The following FGGY variants were observed in gnomAD, a reference collection of about 807,000 sequenced individuals.
FGGY encodes FGGY carbohydrate kinase domain-containing protein.
A neutral mutation model predicts 71.3 loss-of-function variants in FGGY; 72 were observed. The ratio of observed to expected loss-of-function variants is 1.01; its 90% CI spans 0.84 to 1.23. The LOEUF is 1.23. Among genes scored for constraint, FGGY ranks in the 50% most tolerant of loss-of-function variants. The pLI is 0.00. For missense variants in FGGY, 668 were observed against 682.3 expected (o/e 0.98, Z 0.23); for synonymous variants, 251 against 250.3 (o/e 1.00, Z -0.02).
intron 9 of FGGY, among the ~76,000 whole-genome samples, chr1:59,610,882 G>C (rs1052580725): frequency 3.9e-5 from 6 of 152,258 alleles, no homozygotes; most frequent in Non-Finnish European, 8.8e-5. Context: ...GCCTGGCTCA[G>C]AGGGTCCCAC....
chr1:59,705,423 C>T lies in FGGY; in HGVS notation c.1512+31290C>T, dbSNP rs577474791. 5.9e-5 allele frequency among the ~76,000 whole-genome samples: 9 copies of T among 152,152 alleles called. No individual in the cohort carries two copies. In the South Asian group the frequency reaches 1.0e-3, roughly 18 times the overall value. On this transcript the variant is annotated intron_variant, in intron 14 of 15. Transcript: ENST00000303721. ...CCCAAGAGTTTTAGACTTTTATGTG[C>T]GCAGTAAGGACTGAGGAGGTGAGTG...
At chr1:59,326,311 G>A (rs899158202) in intron 2 of FGGY, among the ~76,000 whole-genome samples, 2 of 152,210 alleles carry the variant, frequency 1.3e-5, no homozygotes, top group African/African-American at 4.8e-5. Flanking sequence ...AGCCAGTAAA[G>A]TACCATTTTG....
intron 11 of FGGY, 61 bp from the exon 12 acceptor site, chr1:59,660,158 A>C: frequency 1.4e-6 from 2 of 1,438,346 alleles, no homozygotes; most frequent in South Asian, 1.1e-5. Flanking sequence ...CATGGGAACT[A>C]TCTTTATCCA....
intron 5 of FGGY, among the ~76,000 whole-genome samples, chr1:59,384,034 C>T (rs1220851435): frequency 2.0e-5 from 3 of 152,240 alleles, no homozygotes; most frequent in Admixed American, 6.5e-5. Context: ...AAGTGGAGGG[C>T]GTCTTGTTAA....
At position 59,350,964 on chromosome 1, in the gene FGGY, A is replaced by G. The variant is rs142756661; in HGVS notation, c.465+4566A>G. On this transcript the variant is annotated intron_variant, in intron 4 of 15. Transcript: ENST00000303721. Reference sequence around the variant, plus strand: ...AGTCTTGGCTAGAGGTTGGCAGACTATGGCACCCAGGCCAAATCTGGCCTA... The same window carrying G: ...AGTCTTGGCTAGAGGTTGGCAGACTGTGGCACCCAGGCCAAATCTGGCCTA... Among the ~76,000 whole-genome samples, 33 of 152,360 alleles carry G rather than the reference A, an allele frequency of 2.2e-4. No homozygotes were observed. In the East Asian group the frequency reaches 5.6e-3, roughly 26 times the overall value.
At chr1:59,415,600 C>A (rs1557852385) in intron 5 of FGGY, among the ~76,000 whole-genome samples, 1 of 152,162 alleles carries the variant, frequency 6.6e-6, no homozygotes, top group Admixed American at 6.5e-5. Flanking sequence ...CCCCAGGAAG[C>A]CTTTGGCCCT....
chr1:59,617,468 C>G (rs1172425543), intron 9 of FGGY, among the ~76,000 whole-genome samples: 1 of 152,044 alleles, frequency 6.6e-6, no homozygotes, highest in African/African-American at 2.4e-5. Flanking sequence ...AGGACAGGAT[C>G]TTTTGATATT....
chr1:59,587,647 C>G (rs12759733), intron 8 of FGGY, among the ~76,000 whole-genome samples: 26,832 of 152,028 alleles, frequency 0.18, 2,854 homozygotes, highest in South Asian at 0.35. Flanking sequence ...ACGATAATCC[C>G]CTGTTCTGCA....
intron 6 of FGGY, among the ~76,000 whole-genome samples, chr1:59,507,930 C>T (rs577381505): frequency 2.6e-4 from 39 of 152,246 alleles, no homozygotes; most frequent in Non-Finnish European, 4.4e-4. Flanking sequence ...CCTCCGCTGC[C>T]TCTTGTCCCG....
chr1:59,728,773 A>T (rs1047672660), intron 14 of FGGY, among the ~76,000 whole-genome samples: 1 of 152,062 alleles, frequency 6.6e-6, no homozygotes, highest in Non-Finnish European at 1.5e-5. Flanking sequence ...TTCTCTATAG[A>T]TTAGGTGGAT....
intron 14 of FGGY, among the ~76,000 whole-genome samples, chr1:59,745,221 G>C (rs543591988): frequency 2.1e-4 from 32 of 152,246 alleles, no homozygotes; most frequent in Middle Eastern, 3.4e-3. Flanking sequence ...CCAAAGTCTA[G>C]GCCAGAATAT....
At chr1:59,658,992 C>T (rs2097249701) in intron 11 of FGGY, among the ~76,000 whole-genome samples, 1 of 152,106 alleles carries the variant, frequency 6.6e-6, no homozygotes, top group East Asian at 1.9e-4. Context: ...GAAGCCAAGG[C>T]AGGTGTATCA....
At chr1:59,512,857 C>A (rs1484630114) in intron 7 of FGGY, among the ~76,000 whole-genome samples, 1 of 152,152 alleles carries the variant, frequency 6.6e-6, no homozygotes, top group South Asian at 2.1e-4. Flanking sequence ...TCCTTGGCTG[C>A]AGTCTTGATT....
intron 6 of FGGY, among the ~76,000 whole-genome samples, chr1:59,461,197 T>G (rs2092178458): frequency 6.6e-6 from 1 of 152,162 alleles, no homozygotes; most frequent in Non-Finnish European, 1.5e-5. Flanking sequence ...AATAGCTAAC[T>G]AGAATAAACA....
At chr1:59,334,137 CTTTTA>C (rs2049009772) in intron 2 of FGGY, among the ~76,000 whole-genome samples, 1 of 152,086 alleles carries the variant, frequency 6.6e-6, no homozygotes, top group South Asian at 2.1e-4. Context: ...TCATCCACTT[CTTTTA>C]TTTTGTTTTA....
intron 9 of FGGY, among the ~76,000 whole-genome samples, chr1:59,614,086 C>T (rs1432936876): frequency 6.6e-6 from 1 of 152,142 alleles, no homozygotes; most frequent in African/African-American, 2.4e-5. Flanking sequence ...GGAACTGGTA[C>T]CACTCCTTCT....
chr1:59,509,352 A>T (rs984160035), intron 6 of FGGY, among the ~76,000 whole-genome samples: 6 of 152,166 alleles, frequency 3.9e-5, no homozygotes, highest in Non-Finnish European at 5.9e-5. Flanking sequence ...TATTTTCCCT[A>T]ACCCCAGTCT....
At chr1:59,351,478 G>A (rs1008817685) in intron 4 of FGGY, among the ~76,000 whole-genome samples, 2 of 152,096 alleles carry the variant, frequency 1.3e-5, no homozygotes, top group African/African-American at 2.4e-5. Flanking sequence ...GTAATGCTAC[G>A]TCAATTTTTG....
chr1:59,608,477 G>GCACA (rs2096644800), intron 9 of FGGY, among the ~76,000 whole-genome samples: 1 of 152,044 alleles, frequency 6.6e-6, no homozygotes, highest in Non-Finnish European at 1.5e-5. Flanking sequence ...CCAGCTCTTA[G>GCACA]CACACTCTGT....
Sources: gnomAD v4.1 joint callset for allele counts (sites outside exome capture counted in the v4.1 genomes callset) on GRCh38, gnomAD v4.1.1 for gene constraint, MANE v1.5 for transcripts, NCBI Gene and HGNC (gene_info 2026-07-23, HGNC 2026-07-21) for gene names.